The following SNRK variants were observed in gnomAD, a reference collection of about 807,000 sequenced individuals.
The protein encoded by SNRK is SNF-related serine/threonine-protein kinase.
Under a neutral mutation model 48.2 loss-of-function variants are expected in SNRK, and 3 were observed. That is an observed-to-expected ratio of 0.06 (90% CI 0.03 to 0.16). The LOEUF (loss-of-function observed/expected upper bound fraction) is 0.16, where lower values mean the gene tolerates loss of function less well. Among genes scored for constraint, SNRK ranks in the 10% least tolerant of loss-of-function variants. The pLI is 1.00. For synonymous variants in SNRK, 376 were observed against 366.1 expected, an observed-to-expected ratio of 1.03 and a Z score of -0.31; for missense variants, 627 against 976.0, an observed-to-expected ratio of 0.64 and a Z score of 4.76.
Position 43,348,101 on chromosome 3 carries a change from C to T in SNRK, c.1842C>T (p.Gly614=), listed in dbSNP as rs1361965580. 4.4e-6 allele frequency: 7 copies of T among 1,586,540 alleles called. No individual in the cohort carries two copies. The highest frequency in any genetic ancestry group is 6.0e-6 in the Non-Finnish European group (7 of 1,166,954). ...GCAGTCCCTCCAGCGGCTCGGGTGG[C>T]AACCCCACCAATACATCGGGTACCA... The part of the protein sequence containing the change: ...GGGSPSSGSG[G]NPTNTSGTTR... The change falls in exon 7 of 7, where the codon GGC becomes GGT. Residue 614 remains glycine, a synonymous_variant. Transcript: ENST00000296088.
At chr3:43,302,316 T>TA (rs1342172583) in intron 2 of SNRK, among the ~76,000 whole-genome samples, 1 of 152,232 alleles carries the variant, frequency 6.6e-6, no homozygotes, top group Non-Finnish European at 1.5e-5. Context: ...GAGCTTATCC[T>TA]AAACAGTAGT....
In SNRK at chr3:43,347,528, A is replaced by C. The variant is rs1575564247; in HGVS notation, c.1269A>C (p.Ala423=). ...KDDLPELAGP[A]LSTVPPASLK... ...ACCTCCCTGAGTTGGCTGGACCAGC[A>C]CTCTCTACGGTGCCACCCGCAAGCT... is the stretch of plus-strand genomic sequence containing the variant. The change falls in exon 7 of 7, where the codon GCA becomes GCC. Residue 423 remains alanine, a synonymous_variant. Coordinates refer to ENST00000296088, the MANE Select transcript of SNRK (RefSeq NM_017719.5). The surrounding 1 kb of genome is among the most constrained non-coding windows in gnomAD (Gnocchi z 5.4). 6.2e-7 allele frequency: 1 copy of C among 1,613,398 alleles called. No homozygotes were observed. The highest frequency in any genetic ancestry group is 1.3e-5 in the African/African-American group (1 of 74,944).
intron 3 of SNRK, among the ~76,000 whole-genome samples, chr3:43,319,441 G>A (rs903968157): frequency 6.6e-6 from 1 of 152,130 alleles, no homozygotes; most frequent in African/African-American, 2.4e-5. Context: ...ATGCAGCCAG[G>A]CACAGAGTAG....
intron 3 of SNRK, among the ~76,000 whole-genome samples, chr3:43,323,021 A>G (rs9858494): frequency 0.55 from 81,973 of 150,388 alleles, 25,449 homozygotes; most frequent in East Asian, 0.77. Context: ...TAGAAAGTCC[A>G]TAAATAAACC....
intron 3 of SNRK, among the ~76,000 whole-genome samples, chr3:43,324,459 C>T (rs951886339): frequency 9.4e-5 from 14 of 148,634 alleles, no homozygotes; most frequent in South Asian, 4.2e-4. Context: ...CAGTAAGCTG[C>T]GATCGTGTCA....
chr3:43,323,768 TACA>T (rs138334840), intron 3 of SNRK, among the ~76,000 whole-genome samples: 14,756 of 152,218 alleles, frequency 0.097, 960 homozygotes, highest in Non-Finnish European at 0.14. Flanking sequence ...TATTGATGTG[TACA>T]ACAACATGAG....
At chr3:43,297,591 C>T (rs1195363059) in intron 1 of SNRK, among the ~76,000 whole-genome samples, 2 of 151,106 alleles carry the variant, frequency 1.3e-5, no homozygotes, top group African/African-American at 2.4e-5. Context: ...CAAAATTCCT[C>T]CCCCCCTTTT....
chr3:43,320,133 C>G (rs116480741), intron 3 of SNRK, among the ~76,000 whole-genome samples: 3,789 of 152,152 alleles, frequency 0.025, 86 homozygotes, highest in South Asian at 0.064. Flanking sequence ...GTTTTATATA[C>G]TAGATCTCCC....
intron 1 of SNRK, among the ~76,000 whole-genome samples, chr3:43,291,947 G>C (rs930628133): frequency 4.6e-5 from 7 of 152,198 alleles, no homozygotes; most frequent in Admixed American, 1.3e-4. Context: ...GCTTGGCCCT[G>C]CTTTTTCATT....
In SNRK at chr3:43,303,833, C is replaced by G. The variant is rs914273873; in HGVS notation, c.589+41C>G. The G allele has an allele frequency of 7.3e-7, 1 of 1,374,848 alleles. No homozygotes were observed. The highest frequency in any genetic ancestry group is 1.0e-6 in the Non-Finnish European group (1 of 980,816). The allele number at this position is 1,374,848 out of a possible 1,614,324, so 85.2% of individuals were successfully genotyped here. ...CCAGTATTTGGCCATTTGAATTCTG[C>G]CAGCTAGAGTTGGTCAGATCGGTTG... On this transcript the variant is annotated intron_variant, in intron 3 of 6. Transcript: ENST00000296088. This position sits in a 1 kb window ranked among gnomAD's most constrained non-coding sequence, Gnocchi z 6.2.
At chr3:43,319,797 T>C (rs992108790) in intron 3 of SNRK, among the ~76,000 whole-genome samples, 1 of 152,208 alleles carries the variant, frequency 6.6e-6, no homozygotes, top group Non-Finnish European at 1.5e-5. Context: ...CCCAATCTCT[T>C]TGCTGATGTC....
chr3:43,344,168 G>A (rs1004538017), intron 6 of SNRK, among the ~76,000 whole-genome samples: 1 of 152,060 alleles, frequency 6.6e-6, no homozygotes, highest in Non-Finnish European at 1.5e-5. Context: ...ATAAAGTCAT[G>A]AACGTGCTGC....
At chr3:43,305,311 C>T (rs1031063266) in intron 3 of SNRK, among the ~76,000 whole-genome samples, 13 of 152,146 alleles carry the variant, frequency 8.5e-5, no homozygotes, top group South Asian at 2.1e-4. Context: ...TTTCAAAGAA[C>T]GTTTTTAACA....
chr3:43,305,597 C>T (rs543102521), intron 3 of SNRK, among the ~76,000 whole-genome samples: 1 of 151,776 alleles, frequency 6.6e-6, no homozygotes, highest in Non-Finnish European at 1.5e-5. Flanking sequence ...ATTCTCCTGC[C>T]TCAGCCTCCC....
At chr3:43,302,852 A>G (rs2090908318) in intron 2 of SNRK, among the ~76,000 whole-genome samples, 1 of 151,566 alleles carries the variant, frequency 6.6e-6, no homozygotes. Context: ...ATCACCAAAA[A>G]ATTGCTTCCA....
chr3:43,296,089 G>C (rs1257060555), intron 1 of SNRK, among the ~76,000 whole-genome samples: 1 of 152,076 alleles, frequency 6.6e-6, no homozygotes, highest in Non-Finnish European at 1.5e-5. Context: ...CTGCATGATA[G>C]GGTTGTGTTT....
intron 3 of SNRK, among the ~76,000 whole-genome samples, chr3:43,311,963 G>T (rs1271913680): frequency 6.6e-6 from 1 of 152,084 alleles, no homozygotes; most frequent in Non-Finnish European, 1.5e-5. Flanking sequence ...TTCAATAGTT[G>T]TAAAACCCTG....
chr3:43,342,420 T>A (rs1156849274), intron 5 of SNRK, among the ~76,000 whole-genome samples: 1 of 152,204 alleles, frequency 6.6e-6, no homozygotes, highest in African/African-American at 2.4e-5. Flanking sequence ...AAGAAACTAA[T>A]AAGTCATTCT....
intron 3 of SNRK, among the ~76,000 whole-genome samples, chr3:43,328,080 A>G (rs1476202272): frequency 2.0e-5 from 3 of 151,904 alleles, no homozygotes; most frequent in African/African-American, 7.3e-5. Flanking sequence ...TTGTATCTAT[A>G]TGATATTTGA....
Sources: allele counts gnomAD v4.1 joint callset (sites outside exome capture counted in the v4.1 genomes callset), GRCh38; gene constraint gnomAD v4.1.1; non-coding constraint Gnocchi (gnomAD v3.1); transcripts MANE v1.5; gene names NCBI Gene and HGNC (gene_info 2026-07-23, HGNC 2026-07-21).